The following MOB3B variants were observed in gnomAD, a reference collection of about 807,000 sequenced individuals.
MOB3B encodes MOB kinase activator 3B.
In MOB3B, 7 loss-of-function variants were observed where a neutral mutation model predicts 18.7. That is an observed-to-expected ratio of 0.37 (90% CI 0.21 to 0.70). MOB3B has a LOEUF of 0.70. Ranked by LOEUF, MOB3B falls within the 30% of genes least tolerant of loss-of-function variation. The probability of loss-of-function intolerance (pLI) is 0.52; values close to 1 mark genes in which losing one functional copy is unlikely to be tolerated. For synonymous variants in MOB3B, 111 were observed against 99.9 expected, an observed-to-expected ratio of 1.11 and a Z score of -0.66; for missense variants, 253 against 281.3, an observed-to-expected ratio of 0.90 and a Z score of 0.72.
At chr9:27,491,568 T>C (rs893604483) in intron 1 of MOB3B, among the ~76,000 whole-genome samples, 1 of 152,248 alleles carries the variant, frequency 6.6e-6, no homozygotes, top group Non-Finnish European at 1.5e-5. Flanking sequence ...ATTAGAAAGA[T>C]AATTCCTTAA....
At chr9:27,420,793 G>A (rs919610836) in intron 2 of MOB3B, among the ~76,000 whole-genome samples, 5 of 151,016 alleles carry the variant, frequency 3.3e-5, no homozygotes, top group African/African-American at 4.9e-5. Flanking sequence ...GGACCTGGGG[G>A]GAAGAGTGGG....
intron 1 of MOB3B, among the ~76,000 whole-genome samples, chr9:27,512,895 T>C (rs1030834737): frequency 2.0e-5 from 3 of 152,208 alleles, no homozygotes; most frequent in Non-Finnish European, 2.9e-5. Flanking sequence ...GGAATATGCA[T>C]TTGTTCTATG....
intron 1 of MOB3B, among the ~76,000 whole-genome samples, chr9:27,496,344 T>A (rs1052932271): frequency 6.6e-6 from 1 of 152,176 alleles, no homozygotes; most frequent in African/African-American, 2.4e-5. Flanking sequence ...TGGACAGCAA[T>A]AGGAAGCACT....
intron 1 of MOB3B, chr9:27,524,626 T>C: frequency 6.2e-7 from 1 of 1,614,058 alleles, no homozygotes; most frequent in Non-Finnish European, 8.5e-7. Flanking sequence ...GCCTTCAACA[T>C]CTTCAGCCAA....
chr9:27,515,165 C>T (rs150920524), intron 1 of MOB3B, among the ~76,000 whole-genome samples: 1 of 152,230 alleles, frequency 6.6e-6, no homozygotes, highest in African/African-American at 2.4e-5. Flanking sequence ...AACATTTGAA[C>T]TGTGCCCCGA....
At position 27,330,296 on chromosome 9, in the gene MOB3B, T is replaced by A; in HGVS notation, c.*291A>T. 1 of 330,444 alleles carries A rather than the reference T, an allele frequency of 3.0e-6. No individual in the cohort carries two copies. Among genetic ancestry groups the A allele is most frequent in the South Asian group, 7.5e-5 (1 of 13,344 alleles). 20.5% of individuals were successfully genotyped at this position (330,444 alleles called of 1,614,324 possible). A position where few individuals can be genotyped will look rare whatever the true frequency, so the allele number is the denominator to read the frequency against. ...AGGTCACAGGCAGAACTGTGCCATG[T>A]GTGGAAGTGCAGAGGCTTCCTCGTG... On this transcript the variant is annotated 3_prime_UTR_variant, in exon 4 of 4. Transcript: ENST00000262244.
At chr9:27,500,977 G>A (rs1587261463) in intron 1 of MOB3B, among the ~76,000 whole-genome samples, 1 of 151,840 alleles carries the variant, frequency 6.6e-6, no homozygotes, top group Non-Finnish European at 1.5e-5. Flanking sequence ...ACATTTATGC[G>A]ACCAACAAAC....
At chr9:27,392,432 C>T (rs1416719643) in intron 2 of MOB3B, among the ~76,000 whole-genome samples, 1 of 151,988 alleles carries the variant, frequency 6.6e-6, no homozygotes, top group Non-Finnish European at 1.5e-5. Flanking sequence ...TTTCAAAATC[C>T]AGGAAATTTT....
At chr9:27,462,157 G>A (rs1255602185) in intron 1 of MOB3B, among the ~76,000 whole-genome samples, 1 of 152,096 alleles carries the variant, frequency 6.6e-6, no homozygotes, top group African/African-American at 2.4e-5. Flanking sequence ...TAAAAGCTCA[G>A]ATGACCTATT....
At chr9:27,501,043 A>G (rs1201180303) in intron 1 of MOB3B, among the ~76,000 whole-genome samples, 2 of 152,224 alleles carry the variant, frequency 1.3e-5, no homozygotes, top group African/African-American at 4.8e-5. Flanking sequence ...AATCAAAACC[A>G]CAATGAGATA....
chr9:27,525,760 G>C (rs1199548555), intron 1 of MOB3B, among the ~76,000 whole-genome samples: 1 of 152,144 alleles, frequency 6.6e-6, no homozygotes, highest in African/African-American at 2.4e-5. Context: ...AAAATGTCCA[G>C]AGTCATAATA....
intron 1 of MOB3B, among the ~76,000 whole-genome samples, chr9:27,493,413 G>A (rs1310325013): frequency 6.6e-6 from 1 of 152,138 alleles, no homozygotes; most frequent in East Asian, 1.9e-4. Context: ...GGCCGAGACG[G>A]GAGGATCACG....
intron 1 of MOB3B, among the ~76,000 whole-genome samples, chr9:27,524,061 C>T (rs897019435): frequency 7.1e-6 from 1 of 141,786 alleles, no homozygotes; most frequent in Admixed American, 7.4e-5. Context: ...ATCATCCAGG[C>T]ATTTAAGGTA....
intron 2 of MOB3B, among the ~76,000 whole-genome samples, chr9:27,440,640 T>C (rs1822580620): frequency 6.6e-6 from 1 of 152,236 alleles, no homozygotes. Flanking sequence ...ATATTTTCTG[T>C]GTGTGTATCA....
At position 27,371,857 on chromosome 9, in the gene MOB3B, C is replaced by T. The variant is rs376574880; in HGVS notation, c.419-12621G>A. ...CAGAAATCTAGATTCTTACATGAAA[C>T]CTCCCCGTGGTTAAATTTTAGTTAA... On this transcript the variant is annotated intron_variant, in intron 2 of 3. Coordinates refer to ENST00000262244, the MANE Select transcript of MOB3B (RefSeq NM_024761.5). 3.3e-5 allele frequency among the ~76,000 whole-genome samples: 5 copies of T among 151,910 alleles called. No individual in the cohort carries two copies. The South Asian group carries it at 8.4e-4, about 25-fold the overall frequency.
At chr9:27,339,036 G>A (rs1374793899) in intron 3 of MOB3B, among the ~76,000 whole-genome samples, 5 of 152,100 alleles carry the variant, frequency 3.3e-5, no homozygotes, top group Admixed American at 1.3e-4. Flanking sequence ...GGCTGTGGAG[G>A]GAGTGCTGCA....
intron 2 of MOB3B, among the ~76,000 whole-genome samples, chr9:27,447,657 T>G (rs1159584214): frequency 6.6e-6 from 1 of 152,172 alleles, no homozygotes; most frequent in African/African-American, 2.4e-5. Flanking sequence ...CCTTTCTGCT[T>G]CTTTGCACAC....
chr9:27,368,414 C>T (rs954717890), intron 2 of MOB3B, among the ~76,000 whole-genome samples: 10 of 151,248 alleles, frequency 6.6e-5, no homozygotes, highest in East Asian at 1.9e-4. Context: ...AGAGAAGCTT[C>T]GTGTTCTTGC....
In MOB3B at chr9:27,370,294, A is replaced by G. The variant is rs534037802; in HGVS notation, c.419-11058T>C. Reference sequence around the variant, plus strand: ...GAGGCTAAGGTGGGCAGATCACCTGAGGTCGGGAATTCAAGACCGGCCTGA... The same window carrying G: ...GAGGCTAAGGTGGGCAGATCACCTGGGGTCGGGAATTCAAGACCGGCCTGA... On this transcript the variant is annotated intron_variant, in intron 2 of 3. Coordinates refer to ENST00000262244, the MANE Select transcript of MOB3B (RefSeq NM_024761.5). Among the ~76,000 whole-genome samples, 27 of 152,192 alleles carry G rather than the reference A, an allele frequency of 1.8e-4. 1 individual carries two copies. The South Asian group carries it at 5.4e-3, about 30-fold the overall frequency.
Sources: gnomAD v4.1 joint callset for allele counts (sites outside exome capture counted in the v4.1 genomes callset) on GRCh38, gnomAD v4.1.1 for gene constraint, MANE v1.5 for transcripts, NCBI Gene and HGNC (gene_info 2026-07-23, HGNC 2026-07-21) for gene names.